The following ZNF507 variants were observed in gnomAD, a reference collection of about 807,000 sequenced individuals.
ZNF507 encodes the protein zinc finger protein 507.
A neutral mutation model predicts 80.0 loss-of-function variants in ZNF507; 29 were observed. The ratio of observed to expected loss-of-function variants is 0.36; its 90% confidence interval spans 0.27 to 0.49. The LOEUF (loss-of-function observed/expected upper bound fraction) is 0.49, where lower values mean the gene tolerates loss of function less well. Among genes scored for constraint, ZNF507 ranks in the 20% least tolerant of loss-of-function variants. The pLI is 0.98. For missense variants in ZNF507, 1,081 were observed against 1,152.2 expected (o/e 0.94, Z 0.90); for synonymous variants, 462 against 422.5 (o/e 1.09, Z -1.15).
intron 3 of ZNF507, among the ~76,000 whole-genome samples, chr19:32,355,277 C>T (rs775391581): frequency 5.3e-5 from 8 of 151,966 alleles, no homozygotes; most frequent in Non-Finnish European, 8.8e-5. Context: ...TTTGACTTAA[C>T]GTATTGACAT....
chr19:32,346,208 T>G (rs938724441), intron 1 of ZNF507, among the ~76,000 whole-genome samples: 3 of 152,160 alleles, frequency 2.0e-5, no homozygotes, highest in African/African-American at 7.2e-5. Context: ...CAGTGCGTGG[T>G]GTAGAAAAAG....
chr19:32,354,612 G>A lies in ZNF507; in HGVS notation c.1782G>A (p.Leu594=), dbSNP rs779170856. The change falls in exon 3 of 7, where the codon TTG becomes TTA. Residue 594 remains leucine, a synonymous_variant. Coordinates refer to ENST00000355898, the MANE Select transcript of ZNF507 (RefSeq NM_001136156.2). ...SMSLLTVIEK[L]RERTDQNASD... ...CCTTACTCACCGTCATTGAAAAATT[G>A]AGAGAAAGGACAGACCAAAACGCTT... 6.8e-6 allele frequency: 11 copies of A among 1,614,044 alleles called. No homozygotes were observed. The highest frequency in any genetic ancestry group is 1.3e-5 in the African/African-American group (1 of 74,924).
chr19:32,366,272 T>C (rs918982901), intron 5 of ZNF507, among the ~76,000 whole-genome samples: 1 of 152,208 alleles, frequency 6.6e-6, no homozygotes, highest in Non-Finnish European at 1.5e-5. Flanking sequence ...ATCATAAAGG[T>C]ACAGCTGATG....
chr19:32,350,475 T>C (rs1327840427), intron 2 of ZNF507, among the ~76,000 whole-genome samples: 2 of 152,218 alleles, frequency 1.3e-5, no homozygotes, highest in African/African-American at 4.8e-5. Flanking sequence ...TCTGAATGTT[T>C]TGTCAGATTC....
At chr19:32,364,320 C>CT (rs539979349) in intron 5 of ZNF507, among the ~76,000 whole-genome samples, 17 of 151,562 alleles carry the variant, frequency 1.1e-4, no homozygotes, top group East Asian at 1.9e-4. Context: ...CCTGACATTT[C>CT]TTTTTTTTTC....
chr19:32,356,036 C>G (rs1036738559), intron 3 of ZNF507, among the ~76,000 whole-genome samples: 2 of 152,084 alleles, frequency 1.3e-5, no homozygotes, highest in East Asian at 3.9e-4. Context: ...GCCCTTGAGT[C>G]TGAGGTTCAC....
At chr19:32,372,847 A>T (rs1199873867) in intron 5 of ZNF507, among the ~76,000 whole-genome samples, 1 of 152,154 alleles carries the variant, frequency 6.6e-6, no homozygotes, top group African/African-American at 2.4e-5. Flanking sequence ...TTTGGTGTTG[A>T]CAAACAGACC....
intron 2 of ZNF507, among the ~76,000 whole-genome samples, chr19:32,350,455 G>A (rs1315950768): frequency 6.6e-6 from 1 of 152,162 alleles, no homozygotes; most frequent in Non-Finnish European, 1.5e-5. Flanking sequence ...AGCCGACACA[G>A]CTTTAAAAAT....
Position 32,378,890 on chromosome 19 carries a change from G to A in ZNF507, c.2361-3577G>A, listed in dbSNP as rs1162436548. ...CACATCTGAATGAAAGTGAGGAGGC[G>A]AGTGTCTGAACAGCCAGCATTTCGT... On this transcript the variant is annotated intron_variant, in intron 5 of 6. Transcript: ENST00000355898. 2.6e-5 allele frequency among the ~76,000 whole-genome samples: 4 copies of A among 152,266 alleles called. No individual in the cohort carries two copies. The East Asian group carries it at 5.8e-4, about 22-fold the overall frequency.
chr19:32,382,555 G>A lies in ZNF507; in HGVS notation c.2449G>A (p.Glu817Lys), dbSNP rs1203077407. The change falls in exon 6 of 7, where the codon GAA (glutamate) becomes AAA (lysine). Residue 817 changes from glutamate to lysine, a missense_variant. Physicochemically the swap from Glu to Lys is moderately conservative, Grantham distance 56. Coordinates refer to ENST00000355898, the MANE Select transcript of ZNF507 (RefSeq NM_001136156.2). ...KHASDQNYNY[E>K]QVNKAINDAI... ...TGCAAGTGACCAAAATTACAACTAC[G>A]AACAAGTAAACAAGGCTATTAACGA... 1.2e-5 allele frequency: 20 copies of A among 1,613,968 alleles called. No homozygotes were observed. The highest frequency in any genetic ancestry group is 1.6e-5 in the Non-Finnish European group (19 of 1,180,024).
In ZNF507 at chr19:32,387,326, C is replaced by T. The variant is rs118045755; in HGVS notation, c.*4243C>T. 6.6e-6 allele frequency: 1 copy of T among 152,278 alleles called. No individual in the cohort carries two copies. Among genetic ancestry groups the T allele is most frequent in the Non-Finnish European group, 1.5e-5 (1 of 68,034 alleles). 9.4% of individuals were successfully genotyped at this position (152,278 alleles called of 1,614,324 possible). ...CGAAGCTAACATCATCTGACTGTAT[C>T]GTGGGTCTGGTTATCCATTTGTGCC... On this transcript the variant is annotated 3_prime_UTR_variant, in exon 7 of 7. Transcript: ENST00000355898.
intron 5 of ZNF507, among the ~76,000 whole-genome samples, chr19:32,371,135 T>G (rs1967464601): frequency 6.6e-6 from 1 of 152,204 alleles, no homozygotes; most frequent in Non-Finnish European, 1.5e-5. Context: ...TTTTCTATCA[T>G]TTCTCCTTTT....
chr19:32,362,998 A>G (rs893389615), intron 5 of ZNF507, among the ~76,000 whole-genome samples: 2 of 152,226 alleles, frequency 1.3e-5, no homozygotes, highest in Non-Finnish European at 2.9e-5. Context: ...GCAGAGCATT[A>G]CGGATTAACA....
At chr19:32,376,665 T>C (rs1161949861) in intron 5 of ZNF507, among the ~76,000 whole-genome samples, 1 of 152,008 alleles carries the variant, frequency 6.6e-6, no homozygotes, top group Non-Finnish European at 1.5e-5. Context: ...AGACGAGAGA[T>C]TGTAGAAATA....
chr19:32,381,159 A>G (rs1237340779), intron 5 of ZNF507, among the ~76,000 whole-genome samples: 1 of 152,194 alleles, frequency 6.6e-6, no homozygotes, highest in Non-Finnish European at 1.5e-5. Context: ...CTTCTGGGAA[A>G]GGCAAAACTA....
At chr19:32,351,418 G>GGT (rs1568301845) in intron 2 of ZNF507, among the ~76,000 whole-genome samples, 4 of 48,912 alleles carry the variant, frequency 8.2e-5, no homozygotes, top group African/African-American at 2.9e-4. Context: ...AAGCTGGTCA[G>GGT]CTGTGTGTGT....
chr19:32,356,586 G>A, intron 3 of ZNF507, 30 bp from the exon 4 acceptor site: 3 of 1,535,544 alleles, frequency 2.0e-6, no homozygotes, highest in South Asian at 1.1e-5. Flanking sequence ...TATATTTATT[G>A]AAAATTACAT....
In ZNF507 at chr19:32,353,875, A is replaced by T; in HGVS notation, c.1045A>T (p.Ser349Cys). ...EQSAERGVHL[S>C]QSVTLDPNEE... Reference sequence around the variant, plus strand: ...GAGTGCAGAAAGAGGAGTACACCTAAGTCAGTCAGTTACCCTGGACCCCAA... The same window carrying T: ...GAGTGCAGAAAGAGGAGTACACCTATGTCAGTCAGTTACCCTGGACCCCAA... Residue 349 changes from serine (S) to cysteine (C), a missense_variant, in exon 3 of 7, where the codon AGT (serine) becomes TGT (cysteine). Coordinates refer to ENST00000355898, the MANE Select transcript of ZNF507 (RefSeq NM_001136156.2). The T allele has an allele frequency of 6.2e-7, 1 of 1,614,172 alleles. No individual in the cohort carries two copies. The highest frequency in any genetic ancestry group is 8.5e-7 in the Non-Finnish European group (1 of 1,180,016).
At position 32,368,185 on chromosome 19, in the gene ZNF507, C is replaced by G. The variant is rs78718007; in HGVS notation, c.2360+7567C>G. ...ACCAAATCAGGGTGTGAAACAGAAG[C>G]AATTTCATTATGCTCAGGGATTCTG... On this transcript the variant is annotated intron_variant, in intron 5 of 6. Transcript: ENST00000355898. Among the ~76,000 whole-genome samples, 965 of 152,306 alleles carry G rather than the reference C, an allele frequency of 6.3e-3. 6 individuals are homozygous for G. Among genetic ancestry groups the G allele is most frequent in the Admixed American group, 0.02 (306 of 15,294 alleles).
Sources: allele counts gnomAD v4.1 joint callset (sites outside exome capture counted in the v4.1 genomes callset), GRCh38; gene constraint gnomAD v4.1.1; transcripts MANE v1.5; gene names NCBI Gene and HGNC (gene_info 2026-07-23, HGNC 2026-07-21).